Variants in CAMK1D observed in about 807,000 individuals in gnomAD.
CAMK1D encodes the protein calcium/calmodulin dependent protein kinase ID, also known as calcium/calmodulin-dependent protein kinase type 1D.
Under a neutral mutation model 47.7 loss-of-function variants are expected in CAMK1D, and 9 were observed. That is an observed-to-expected ratio of 0.19 (90% CI 0.11 to 0.33). The LOEUF is 0.33. CAMK1D is among the 10% of genes least tolerant of loss of function. The pLI, the probability that CAMK1D is intolerant of heterozygous loss-of-function variation, is 1.00. For synonymous variants in CAMK1D, 184 were observed against 184.9 expected, an observed-to-expected ratio of 0.99 and a Z score of 0.04; for missense variants, 291 against 488.7, an observed-to-expected ratio of 0.60 and a Z score of 3.81.
At chr10:12,753,744 C>G (rs543096013) in intron 3 of CAMK1D, among the ~76,000 whole-genome samples, 1 of 152,006 alleles carries the variant, frequency 6.6e-6, no homozygotes, top group African/African-American at 2.4e-5. Flanking sequence ...CATTTCTAAC[C>G]CTTCTCTCAT....
intron 1 of CAMK1D, among the ~76,000 whole-genome samples, chr10:12,401,136 ATT>A (rs1839180946): frequency 1.5e-5 from 1 of 67,928 alleles, no homozygotes. Flanking sequence ...TATTATATAT[ATT>A]ATATATATAT....
At chr10:12,436,628 T>C (rs1332331007) in intron 1 of CAMK1D, among the ~76,000 whole-genome samples, 1 of 152,148 alleles carries the variant, frequency 6.6e-6, no homozygotes, top group Non-Finnish European at 1.5e-5. Context: ...GCTCGGATGC[T>C]GTAGTTAGCC....
intron 1 of CAMK1D, among the ~76,000 whole-genome samples, chr10:12,453,302 G>T (rs1051085344): frequency 2.0e-5 from 3 of 151,316 alleles, no homozygotes; most frequent in African/African-American, 7.3e-5. Flanking sequence ...CGATTCTCCT[G>T]CCTCAGCCTC....
chr10:12,580,056 A>G (rs1837615326), intron 2 of CAMK1D, among the ~76,000 whole-genome samples: 2 of 151,916 alleles, frequency 1.3e-5, no homozygotes, highest in South Asian at 4.2e-4. Flanking sequence ...TCAGCAGAAA[A>G]CCCATGATGC....
chr10:12,511,260 G>A (rs1192125895), intron 1 of CAMK1D, among the ~76,000 whole-genome samples: 1 of 152,094 alleles, frequency 6.6e-6, no homozygotes, highest in African/African-American at 2.4e-5. Flanking sequence ...GAGGCCAGAG[G>A]TTTTCAACTG....
At chr10:12,498,811 C>T (rs1189477682) in intron 1 of CAMK1D, among the ~76,000 whole-genome samples, 2 of 152,134 alleles carry the variant, frequency 1.3e-5, no homozygotes, top group African/African-American at 4.8e-5. Flanking sequence ...CTCCCTACTT[C>T]TTTACATTCA....
chr10:12,647,035 G>A (rs963681407), intron 2 of CAMK1D, among the ~76,000 whole-genome samples: 48 of 151,196 alleles, frequency 3.2e-4, no homozygotes, highest in African/African-American at 1.1e-3. Context: ...TAGAGATGGG[G>A]TTTCACCGTG....
Position 12,363,852 on chromosome 10 carries a change from C to T in CAMK1D, c.92+13942C>T, listed in dbSNP as rs561325683. ...CCTGGCTAATTTTTGTTTATTCATT[C>T]GTGTGTTAATGGACACAGGTTGCTT... On this transcript the variant is annotated intron_variant, in intron 1 of 10. Transcript: ENST00000619168. 3.3e-5 allele frequency among the ~76,000 whole-genome samples: 5 copies of T among 151,776 alleles called. No individual in the cohort carries two copies. In the South Asian group the frequency reaches 1.0e-3, roughly 32 times the overall value.
At chr10:12,407,425 C>T (rs987270746) in intron 1 of CAMK1D, among the ~76,000 whole-genome samples, 5 of 152,242 alleles carry the variant, frequency 3.3e-5, no homozygotes, top group African/African-American at 1.2e-4. Flanking sequence ...CTCACTGAAG[C>T]GTCTCTGGGA....
chr10:12,721,170 C>T (rs1834356267), intron 3 of CAMK1D, among the ~76,000 whole-genome samples: 1 of 152,244 alleles, frequency 6.6e-6, no homozygotes. Flanking sequence ...CTTGGACGTA[C>T]AGAATAGCGT....
chr10:12,360,769 C>T lies in CAMK1D; in HGVS notation c.92+10859C>T, dbSNP rs118078200. ...CATTGAGGCTTTGGGGAATAGAACC[C>T]GTAAACCAACCTACATCAACTATTG... On this transcript the variant is annotated intron_variant, in intron 1 of 10. Transcript: ENST00000619168. 4.3e-3 allele frequency among the ~76,000 whole-genome samples: 650 copies of T among 152,212 alleles called. 1 individual carries two copies. The highest frequency in any genetic ancestry group is 7.6e-3 in the Non-Finnish European group (515 of 68,000).
chr10:12,383,989 A>C (rs1838418360), intron 1 of CAMK1D, among the ~76,000 whole-genome samples: 1 of 152,234 alleles, frequency 6.6e-6, no homozygotes, highest in African/African-American at 2.4e-5. Context: ...ATTCCATTTA[A>C]TAAATGAGTT....
intron 3 of CAMK1D, among the ~76,000 whole-genome samples, chr10:12,691,409 ATATATATATATATTTTTTTT>A (rs1832914857): frequency 4.6e-4 from 1 of 2,154 alleles, no homozygotes; most frequent in African/African-American, 1.9e-3. Flanking sequence ...ATATAAATAT[ATATATATATATATTTTTTTT>A]TTTTTTTTTT....
intron 3 of CAMK1D, among the ~76,000 whole-genome samples, chr10:12,668,745 G>A (rs1054190530): frequency 6.6e-6 from 1 of 152,036 alleles, no homozygotes; most frequent in African/African-American, 2.4e-5. Context: ...ACTTGGGGTT[G>A]TATACTACCA....
At chr10:12,384,927 T>C (rs1838445476) in intron 1 of CAMK1D, among the ~76,000 whole-genome samples, 1 of 152,200 alleles carries the variant, frequency 6.6e-6, no homozygotes, top group Non-Finnish European at 1.5e-5. Flanking sequence ...CTTTTATAAC[T>C]CAATAATTGA....
chr10:12,503,012 G>A (rs576220461), intron 1 of CAMK1D, among the ~76,000 whole-genome samples: 49 of 151,560 alleles, frequency 3.2e-4, no homozygotes, highest in African/African-American at 9.4e-4. Context: ...TCGCATGCAC[G>A]CGTGTATATA....
chr10:12,579,355 A>T (rs1837593564), intron 2 of CAMK1D, among the ~76,000 whole-genome samples: 1 of 152,108 alleles, frequency 6.6e-6, no homozygotes, highest in Non-Finnish European at 1.5e-5. Flanking sequence ...ATCTCTGGAC[A>T]GTTGCAGCAG....
chr10:12,740,520 C>T (rs1835381342), intron 3 of CAMK1D, among the ~76,000 whole-genome samples: 1 of 152,112 alleles, frequency 6.6e-6, no homozygotes. Context: ...ACTGTTTGAA[C>T]CTGGGAGGTG....
intron 3 of CAMK1D, among the ~76,000 whole-genome samples, chr10:12,731,939 A>G (rs1834907013): frequency 6.6e-6 from 1 of 151,806 alleles, no homozygotes; most frequent in Non-Finnish European, 1.5e-5. Flanking sequence ...ACTGAATTGG[A>G]CTCCATTCAA....
Sources: allele counts gnomAD v4.1 joint callset (sites outside exome capture counted in the v4.1 genomes callset), GRCh38; gene constraint gnomAD v4.1.1; transcripts MANE v1.5; gene names NCBI Gene and HGNC (gene_info 2026-07-23, HGNC 2026-07-21).